TMTC1: variants seen among roughly 807,000 people sequenced by gnomAD.
TMTC1 encodes transmembrane O-mannosyltransferase targeting cadherins 1.
Under a neutral mutation model 104.8 loss-of-function variants are expected in TMTC1, and 73 were observed. That is an observed-to-expected ratio of 0.70 (90% confidence interval 0.58 to 0.85). The LOEUF is 0.85. Ranked by LOEUF, TMTC1 falls within the 40% of genes least tolerant of loss-of-function variation. The probability of loss-of-function intolerance (pLI) is 0.00; values close to 1 mark genes in which losing one functional copy is unlikely to be tolerated. For missense variants in TMTC1, 1,035 were observed against 1,096.1 expected, an observed-to-expected ratio of 0.94 and a Z score of 0.79; for synonymous variants, 434 against 428.7, an observed-to-expected ratio of 1.01 and a Z score of -0.15.
intron 5 of TMTC1, among the ~76,000 whole-genome samples, chr12:29,682,248 A>G (rs1308493181): frequency 6.6e-6 from 1 of 152,220 alleles, no homozygotes; most frequent in Non-Finnish European, 1.5e-5. Flanking sequence ...AAATAGAGCA[A>G]TATCAAATAC....
intron 7 of TMTC1, among the ~76,000 whole-genome samples, chr12:29,599,148 A>G (rs1304546424): frequency 6.6e-6 from 1 of 152,236 alleles, no homozygotes; most frequent in South Asian, 2.1e-4. Context: ...CTTCTGCTTC[A>G]TCCATTCTAA....
chr12:29,774,106 C>T (rs757884000), intron 1 of TMTC1, among the ~76,000 whole-genome samples: 6 of 152,164 alleles, frequency 3.9e-5, no homozygotes, highest in Admixed American at 2.6e-4. Context: ...GCGTTCCTTT[C>T]TCTACATTAT....
intron 5 of TMTC1, among the ~76,000 whole-genome samples, chr12:29,744,514 G>A (rs961790956): frequency 6.6e-6 from 1 of 152,178 alleles, no homozygotes; most frequent in African/African-American, 2.4e-5. Context: ...AAGCCAATAA[G>A]CACGTTGTTG....
Position 29,501,795 on chromosome 12 carries a change from GA to G in TMTC1, c.*5050del, listed in dbSNP as rs1209303132. ...GTTACAGGCCCTAAAGATTTTAATT[GA>G]AAAGATCAATTAAAATCAATATTTT... On this transcript the variant is annotated 3_prime_UTR_variant, in exon 18 of 18. Coordinates refer to ENST00000539277, the MANE Select transcript of TMTC1 (RefSeq NM_001193451.2). The G allele has an allele frequency of 6.6e-6, 1 of 152,026 alleles. No individual in the cohort carries two copies. The highest frequency in any genetic ancestry group is 2.4e-5 in the African/African-American group (1 of 41,388). 9.4% of individuals were successfully genotyped at this position (152,026 alleles called of 1,614,324 possible). A position where few individuals can be genotyped will look rare whatever the true frequency, so the allele number is the denominator to read the frequency against.
Position 29,783,377 on chromosome 12 carries a change from A to C in TMTC1, c.302+73T>G. The C allele has an allele frequency of 8.0e-7, 1 of 1,243,096 alleles. No homozygotes were observed. The highest frequency in any genetic ancestry group is 1.0e-6 in the Non-Finnish European group (1 of 984,786). 77.0% of individuals were successfully genotyped at this position (1,243,096 alleles called of 1,614,324 possible). On this transcript the variant is annotated intron_variant, in intron 1 of 17. Coordinates refer to ENST00000539277, the MANE Select transcript of TMTC1 (RefSeq NM_001193451.2). The surrounding 1 kb of genome is among the most constrained non-coding windows in gnomAD (Gnocchi z 4.7). ...TGAAATGCCCCCAAGTCAGTCCCGC[A>C]ACTTCTCCCGGTCCGAGGGACGGGC...
chr12:29,550,333 T>C (rs1016692109), intron 10 of TMTC1, among the ~76,000 whole-genome samples: 1 of 151,974 alleles, frequency 6.6e-6, no homozygotes, highest in African/African-American at 2.4e-5. Flanking sequence ...AAATTATGAA[T>C]GCAAAAATCA....
intron 10 of TMTC1, among the ~76,000 whole-genome samples, chr12:29,555,615 G>A (rs1324882723): frequency 3.3e-5 from 5 of 152,122 alleles, no homozygotes; most frequent in Middle Eastern, 3.4e-3. Context: ...GAGAATGATG[G>A]TTTCCAGCTT....
intron 10 of TMTC1, among the ~76,000 whole-genome samples, chr12:29,551,276 A>C (rs1258832321): frequency 6.6e-6 from 1 of 152,210 alleles, no homozygotes; most frequent in Admixed American, 6.5e-5. Flanking sequence ...GAATGTATCA[A>C]CTTCCTTTTT....
chr12:29,752,001 C>G (rs1943103392), intron 4 of TMTC1, 129 bp from the exon 5 acceptor site: 1 of 843,082 alleles, frequency 1.2e-6, no homozygotes, highest in Admixed American at 3.0e-5. Context: ...GTCTTTAGCC[C>G]TTGTGTTTCT....
intron 5 of TMTC1, among the ~76,000 whole-genome samples, chr12:29,662,382 T>G (rs962083931): frequency 1.3e-5 from 2 of 152,140 alleles, no homozygotes; most frequent in African/African-American, 4.8e-5. Context: ...CCAGGTGAGG[T>G]GGCTCACGCC....
chr12:29,768,133 C>A (rs1000029919), intron 1 of TMTC1, 58 bp from the exon 2 acceptor site: 29 of 1,241,594 alleles, frequency 2.3e-5, no homozygotes, highest in African/African-American at 3.1e-5. Flanking sequence ...AACATAAACA[C>A]AAGGAACACA....
chr12:29,670,843 AT>A (rs1940476805), intron 5 of TMTC1, among the ~76,000 whole-genome samples: 1 of 147,580 alleles, frequency 6.8e-6, no homozygotes, highest in Non-Finnish European at 1.5e-5. Flanking sequence ...AGGTGGGAGG[AT>A]TGCTTGAGCC....
intron 6 of TMTC1, 37 bp from the exon 7 acceptor site, chr12:29,604,336 G>A (rs923404529): frequency 7.4e-6 from 12 of 1,611,772 alleles, no homozygotes; most frequent in African/African-American, 2.7e-5. Flanking sequence ...ATTAACTTCT[G>A]TTGAATTCCA....
chr12:29,633,408 AT>A, intron 5 of TMTC1, 72 bp from the exon 6 acceptor site: 2 of 1,283,562 alleles, frequency 1.6e-6, no homozygotes, highest in Admixed American at 2.3e-5. Flanking sequence ...CAGTCACCAT[AT>A]TTTTATTAAA....
chr12:29,733,362 G>A (rs943038066), intron 5 of TMTC1, among the ~76,000 whole-genome samples: 1 of 152,100 alleles, frequency 6.6e-6, no homozygotes, highest in East Asian at 1.9e-4. Flanking sequence ...TAACTGCGTG[G>A]GTCAGACCCA....
chr12:29,677,836 T>C (rs776259471), intron 5 of TMTC1, among the ~76,000 whole-genome samples: 6 of 152,268 alleles, frequency 3.9e-5, no homozygotes, highest in Non-Finnish European at 7.3e-5. Context: ...GCCCCACACA[T>C]GCAAAAGCAG....
intron 5 of TMTC1, among the ~76,000 whole-genome samples, chr12:29,643,719 T>TATATAGATATATATTATATA (rs1591848969): frequency 3.5e-3 from 5 of 1,440 alleles, no homozygotes; most frequent in South Asian, 0.1. Flanking sequence ...ATATATATAA[T>TATATAGATATATATTATATA]ATATAAATAT....
At chr12:29,706,015 C>T (rs944719196) in intron 5 of TMTC1, among the ~76,000 whole-genome samples, 2 of 152,050 alleles carry the variant, frequency 1.3e-5, no homozygotes, top group African/African-American at 4.8e-5. Context: ...TCTCTCTTAT[C>T]CCATCTTCAC....
rs1943592004 is a variant in TMTC1 at position 29,501,519 on chromosome 12, C to CA, written c.*5326dup. On this transcript the variant is annotated 3_prime_UTR_variant, in exon 18 of 18. Coordinates refer to ENST00000539277, the MANE Select transcript of TMTC1 (RefSeq NM_001193451.2). Reference sequence around the variant, plus strand: ...CAGAGCTAGAACTAGAACTAGAACTCAGATGTCTTGATTCTTGGGGTAGTG... The same window carrying CA: ...CAGAGCTAGAACTAGAACTAGAACTCAAGATGTCTTGATTCTTGGGGTAGTG... 6.6e-6 allele frequency: 1 copy of CA among 152,152 alleles called. No homozygotes were observed. Among genetic ancestry groups the CA allele is most frequent in the Non-Finnish European group, 1.5e-5 (1 of 68,028 alleles). 9.4% of individuals were successfully genotyped at this position (152,152 alleles called of 1,614,324 possible). A position where few individuals can be genotyped will look rare whatever the true frequency, so the allele number is the denominator to read the frequency against.
Sources: allele counts gnomAD v4.1 joint callset (sites outside exome capture counted in the v4.1 genomes callset), GRCh38; gene constraint gnomAD v4.1.1; non-coding constraint Gnocchi (gnomAD v3.1); transcripts MANE v1.5; gene names NCBI Gene and HGNC (gene_info 2026-07-23, HGNC 2026-07-21).